Variants in CABIN1 observed in about 807,000 individuals in gnomAD.
CABIN1 encodes calcineurin-binding protein cabin-1.
In CABIN1, 133 loss-of-function variants were observed where a neutral mutation model predicts 227.7. The ratio of observed to expected loss-of-function variants is 0.58; its 90% CI spans 0.51 to 0.67. The LOEUF is 0.67. Among genes scored for constraint, CABIN1 ranks in the 30% least tolerant of loss-of-function variants. The pLI, the probability that CABIN1 is intolerant of heterozygous loss-of-function variation, is 0.00. For missense variants in CABIN1, 2,408 were observed against 2,852.5 expected (o/e 0.84, Z 3.55); for synonymous variants, 1,086 against 1,155.1 (o/e 0.94, Z 1.21).
At chr22:24,051,819 A>G (rs946692016) in intron 8 of CABIN1, among the ~76,000 whole-genome samples, 3 of 152,128 alleles carry the variant, frequency 2.0e-5, no homozygotes, top group Non-Finnish European at 4.4e-5. Context: ...CAAAACATGT[A>G]GGGCTAGCAC....
chr22:24,087,856 G>A, intron 23 of CABIN1, 143 bp downstream of exon 23: 1 of 1,123,248 alleles, frequency 8.9e-7, no homozygotes, highest in Non-Finnish European at 1.3e-6. Flanking sequence ...TCCCCATGAG[G>A]CTTAAGCCAT....
At chr22:24,145,729 C>T (rs999481606) in intron 29 of CABIN1, among the ~76,000 whole-genome samples, 4 of 152,182 alleles carry the variant, frequency 2.6e-5, no homozygotes, top group Non-Finnish European at 4.4e-5. Flanking sequence ...AAGCAGTGTC[C>T]TCAGTGGAGG....
At chr22:24,038,493 T>C (rs1385965621) in intron 4 of CABIN1, 32 bp downstream of exon 4, 3 of 1,480,220 alleles carry the variant, frequency 2.0e-6, no homozygotes. Context: ...CAGTGTGCCG[T>C]GGTGGTTAGT....
chr22:24,107,137 G>C (rs748869240), intron 26 of CABIN1, among the ~76,000 whole-genome samples: 15 of 152,162 alleles, frequency 9.9e-5, no homozygotes, highest in Non-Finnish European at 1.9e-4. Context: ...TCACAGGCCA[G>C]TTGGGCATCT....
chr22:24,020,942 T>TA (rs2146565683), intron 1 of CABIN1, among the ~76,000 whole-genome samples: 1 of 152,124 alleles, frequency 6.6e-6, no homozygotes, highest in Admixed American at 6.5e-5. Context: ...TCTCCTCTGT[T>TA]ATGTTGTTTA....
chr22:24,084,135 C>T (rs991306035), intron 20 of CABIN1, among the ~76,000 whole-genome samples: 1 of 152,202 alleles, frequency 6.6e-6, no homozygotes, highest in Non-Finnish European at 1.5e-5. Context: ...GGCTCAGCCA[C>T]GTGGGCTTAT....
intron 15 of CABIN1, among the ~76,000 whole-genome samples, chr22:24,064,977 T>C (rs1311738571): frequency 3.3e-5 from 5 of 152,244 alleles, no homozygotes; most frequent in African/African-American, 1.2e-4. Flanking sequence ...TTCCCCCTTT[T>C]CTATTCCACG....
At position 24,059,210 on chromosome 22, in the gene CABIN1, T is replaced by C. The variant is rs1263354216; in HGVS notation, c.1263-17T>C. 6.2e-7 allele frequency: 1 copy of C among 1,614,034 alleles called. No individual in the cohort carries two copies. The highest frequency in any genetic ancestry group is 8.5e-7 in the Non-Finnish European group (1 of 1,179,982). On this transcript the variant is annotated splice_polypyrimidine_tract_variant and intron_variant, in intron 10 of 36. Transcript: ENST00000263119. ...AACGTGTGTTGTGACTTTGTGATTTTGGCATGTTACATGCAGGTTAAGAAA... is the reference window on the plus strand; with the variant it reads ...AACGTGTGTTGTGACTTTGTGATTTCGGCATGTTACATGCAGGTTAAGAAA...
At position 24,168,546 on chromosome 22, in the gene CABIN1, GC is replaced by G. The variant is rs1156613011; in HGVS notation, c.5757+27del. ...GGTAAGCCCAATTTAGCCTGTGCCA[GC>G]CTCATCTTGCGGAGCCTGCTCCATA... On this transcript the variant is annotated intron_variant, in intron 33 of 36. Transcript: ENST00000263119. 11 of 1,531,270 alleles carry G rather than the reference GC, an allele frequency of 7.2e-6. No homozygotes were observed. The African/African-American group carries it at 1.5e-4, about 21-fold the overall frequency. The allele number at this position is 1,531,270 out of a possible 1,614,324, so 94.9% of individuals were successfully genotyped here.
chr22:24,065,109 C>T (rs1278793372), intron 15 of CABIN1, among the ~76,000 whole-genome samples: 3 of 151,300 alleles, frequency 2.0e-5, no homozygotes, highest in Admixed American at 6.6e-5. Context: ...AGAGGCGCCC[C>T]TCACCTCCCA....
At chr22:24,043,308 T>C (rs1032554149) in intron 6 of CABIN1, among the ~76,000 whole-genome samples, 4 of 115,600 alleles carry the variant, frequency 3.5e-5, no homozygotes, top group African/African-American at 2.0e-4. Flanking sequence ...ATGATTTTAC[T>C]TTTTTTTTTT....
intron 33 of CABIN1, 94 bp downstream of exon 33, chr22:24,168,615 G>A (rs994682588): frequency 9.6e-7 from 1 of 1,045,910 alleles, no homozygotes; most frequent in African/African-American, 1.6e-5. Flanking sequence ...TCCACTCTTG[G>A]GACTGTTCTT....
rs370756385 is a variant in CABIN1, at chr22:24,050,872, C to T, written c.704C>T (p.Ala235Val). The change falls in exon 8 of 37, where the codon GCG (alanine) becomes GTG (valine). Residue 235 changes from alanine (A) to valine (V), a missense_variant. Coordinates refer to ENST00000263119, the MANE Select transcript of CABIN1 (RefSeq NM_012295.4). ...TCGGTGAGTGCAGCTGAGACACAGG[C>T]GATTGTAGATGAGGCCTTGGGGCTG... The part of the protein sequence containing the change: ...DVSVSAAETQ[A>V]IVDEALGLRK... 72 of 1,614,038 alleles carry T rather than the reference C, an allele frequency of 4.5e-5. 2 individuals carry two copies. The South Asian group carries it at 6.3e-4, about 14-fold the overall frequency.
chr22:24,072,342 C>A lies in CABIN1; in HGVS notation c.2476-12C>A. On this transcript the variant is annotated splice_polypyrimidine_tract_variant and intron_variant, in intron 17 of 36. Transcript: ENST00000263119. Reference sequence around the variant, plus strand: ...TGTGACACTTCTGCTGTCTCCCACCCCGCACTGTCAGGTCATTGACTGCAG... The same window carrying A: ...TGTGACACTTCTGCTGTCTCCCACCACGCACTGTCAGGTCATTGACTGCAG... 1 of 1,614,118 alleles carries A rather than the reference C, an allele frequency of 6.2e-7. No individual in the cohort carries two copies. The highest frequency in any genetic ancestry group is 8.5e-7 in the Non-Finnish European group (1 of 1,180,022).
rs979711673 is a variant in CABIN1, at chr22:24,066,843, G to A, written c.2038-144G>A. ...TTAGTGTAAACACTGATGTATGAAG[G>A]AGGAATCTAATTTTTTTTGGGCTGG... is the stretch of plus-strand genomic sequence containing the variant. On this transcript the variant is annotated intron_variant, in intron 15 of 36. Coordinates refer to ENST00000263119, the MANE Select transcript of CABIN1 (RefSeq NM_012295.4). The A allele has an allele frequency of 1.4e-5, 10 of 731,710 alleles. No homozygotes were observed. In the East Asian group the frequency reaches 2.7e-4, roughly 20 times the overall value. 45.3% of individuals were successfully genotyped at this position (731,710 alleles called of 1,614,324 possible). A position where few individuals can be genotyped will look rare whatever the true frequency, so the allele number is the denominator to read the frequency against.
chr22:24,067,045 T>C lies in CABIN1; in HGVS notation c.2096T>C (p.Leu699Pro). The stretch of plus-strand genomic sequence containing the variant: ...CAGTCCCTGGAGGAGATTCAGCGGC[T>C]GTATGAAGCAGGCGACTACAAGGCT... ...RCQSLEEIQRLYEAGDYKAVV... is the reference protein window; with the variant it reads ...RCQSLEEIQRPYEAGDYKAVV... Residue 699 changes from leucine (L) to proline (P), a missense_variant, in exon 16 of 37, where the codon CTG becomes CCG. Physicochemically the swap from Leu to Pro is moderately conservative, Grantham distance 98. Coordinates refer to ENST00000263119, the MANE Select transcript of CABIN1 (RefSeq NM_012295.4). 1 of 1,614,200 alleles carries C rather than the reference T, an allele frequency of 6.2e-7. No homozygotes were observed. Among genetic ancestry groups the C allele is most frequent in the Non-Finnish European group, 8.5e-7 (1 of 1,180,034 alleles).
At chr22:24,048,447 G>T (rs764176666) in intron 6 of CABIN1, among the ~76,000 whole-genome samples, 2 of 151,992 alleles carry the variant, frequency 1.3e-5, no homozygotes, top group Non-Finnish European at 2.9e-5. Context: ...TTGAAACAGG[G>T]TCTCACTCTA....
chr22:24,166,562 G>A (rs1046431082), intron 31 of CABIN1, 77 bp from the exon 32 acceptor site: 2 of 1,591,436 alleles, frequency 1.3e-6, no homozygotes, highest in South Asian at 1.1e-5. Context: ...CCCAGGTTGG[G>A]CTCACCAGCC....
Position 24,095,979 on chromosome 22 carries a change from G to A in CABIN1, c.3835G>A (p.Asp1279Asn), listed in dbSNP as rs767920054. The change falls in exon 25 of 37, where the codon GAT becomes AAT. Residue 1279 changes from aspartate to asparagine, a missense_variant. This residue lies in a region of CABIN1 where 649 missense variants were observed against 910.3 expected (regional missense o/e 0.71). Transcript: ENST00000263119. ...CATCCTGAAGCTCCTGGGGAAGCCCGATTCTGGGGTTGGTGCAGAGGTCCT... is the reference window on the plus strand; with the variant it reads ...CATCCTGAAGCTCCTGGGGAAGCCCAATTCTGGGGTTGGTGCAGAGGTCCT... ...ASILKLLGKP[D>N]SGVGAEVLVN... 3.7e-6 allele frequency: 6 copies of A among 1,613,966 alleles called. No homozygotes were observed. The highest frequency in any genetic ancestry group is 2.7e-5 in the African/African-American group (2 of 74,896).
Sources: allele counts gnomAD v4.1 joint callset (sites outside exome capture counted in the v4.1 genomes callset), GRCh38; gene constraint gnomAD v4.1.1; regional missense constraint gnomAD v4.1.1; transcripts MANE v1.5; gene names NCBI Gene and HGNC (gene_info 2026-07-23, HGNC 2026-07-21).